Variants in MAP7 observed in about 807,000 individuals in gnomAD.
MAP7 encodes ensconsin.
MAP7 carries 52 observed loss-of-function variants against 94.8 expected under a neutral mutation model. The ratio of observed to expected loss-of-function variants is 0.55; its 90% confidence interval spans 0.44 to 0.69. The LOEUF (loss-of-function observed/expected upper bound fraction) is 0.69, where lower values mean the gene tolerates loss of function less well. Ranked by LOEUF, MAP7 falls within the 30% of genes least tolerant of loss-of-function variation. The pLI is 0.00. For missense variants in MAP7, 940 were observed against 964.6 expected, an observed-to-expected ratio of 0.97 and a Z score of 0.34; for synonymous variants, 350 against 357.0, an observed-to-expected ratio of 0.98 and a Z score of 0.22.
At chr6:136,542,730 A>G (rs7757986) in intron 1 of MAP7, among the ~76,000 whole-genome samples, 17,307 of 151,970 alleles carry the variant, frequency 0.11, 2,480 homozygotes, top group African/African-American at 0.34. Flanking sequence ...AAAAAAAAAA[A>G]GAAATACTGT....
intron 1 of MAP7, among the ~76,000 whole-genome samples, chr6:136,441,423 C>CAGTTCAG (rs1291923319): frequency 2.6e-5 from 4 of 152,178 alleles, no homozygotes; most frequent in African/African-American, 9.7e-5. Context: ...ATTAGAGCTA[C>CAGTTCAG]AGTTCAGCAC....
At chr6:136,377,651 G>T in intron 7 of MAP7, 104 bp downstream of exon 7, 1 of 800,170 alleles carries the variant, frequency 1.2e-6, no homozygotes, top group South Asian at 1.5e-5. Flanking sequence ...TCCACCGGGG[G>T]AAGAGAGAAG....
chr6:136,380,135 T>G (rs1423096951), intron 6 of MAP7, among the ~76,000 whole-genome samples: 1 of 152,170 alleles, frequency 6.6e-6, no homozygotes, highest in Admixed American at 6.5e-5. Flanking sequence ...GCACTTAAAA[T>G]TGAGATATTG....
In MAP7 at chr6:136,530,858, C is replaced by T. The variant is rs530469746; in HGVS notation, c.67+19484G>A. On this transcript the variant is annotated intron_variant, in intron 1 of 17. Coordinates refer to ENST00000354570, the MANE Select transcript of MAP7 (RefSeq NM_003980.6). ...CCCTAGTAGCGGTGATGCCATCAGCCAGAAGTACCAGGTCCCTGTGGTGCC... is the reference window on the plus strand; with the variant it reads ...CCCTAGTAGCGGTGATGCCATCAGCTAGAAGTACCAGGTCCCTGTGGTGCC... Among the ~76,000 whole-genome samples the T allele has an allele frequency of 1.1e-3, 155 of 144,996 alleles. 5 individuals carry two copies. The highest frequency in any genetic ancestry group is 1.7e-3 in the Non-Finnish European group (115 of 67,958).
intron 1 of MAP7, among the ~76,000 whole-genome samples, chr6:136,435,363 A>G (rs905413297): frequency 6.6e-6 from 1 of 152,186 alleles, no homozygotes; most frequent in Non-Finnish European, 1.5e-5. Context: ...CTGCTCCTAG[A>G]TAACCAGTCC....
At chr6:136,456,390 G>T (rs762146201) in intron 1 of MAP7, among the ~76,000 whole-genome samples, 2 of 152,090 alleles carry the variant, frequency 1.3e-5, no homozygotes, top group Non-Finnish European at 2.9e-5. Context: ...GAAAGAAAAA[G>T]GCCAGGCATG....
chr6:136,456,864 A>AGAAGAAGAAGAAGAAGAAGAG (rs1803386747), intron 1 of MAP7, among the ~76,000 whole-genome samples: 1 of 144,380 alleles, frequency 6.9e-6, no homozygotes, highest in East Asian at 2.0e-4. Flanking sequence ...AAGAAGAAGA[A>AGAAGAAGAAGAAGAAGAAGAG]GAAGAAGAAA....
At chr6:136,421,852 T>G in intron 1 of MAP7, 53 bp from the exon 2 acceptor site, 1 of 1,392,542 alleles carries the variant, frequency 7.2e-7, no homozygotes, top group Non-Finnish European at 9.9e-7. Context: ...TAAAATTTCT[T>G]CAGAAACATT....
chr6:136,459,047 A>G (rs1311457100), intron 1 of MAP7, among the ~76,000 whole-genome samples: 1 of 152,118 alleles, frequency 6.6e-6, no homozygotes, highest in Non-Finnish European at 1.5e-5. Context: ...TTACAACTCA[A>G]CAACAATAAA....
chr6:136,350,695 T>A (rs981725760), intron 16 of MAP7, among the ~76,000 whole-genome samples: 1 of 152,018 alleles, frequency 6.6e-6, no homozygotes, highest in Non-Finnish European at 1.5e-5. Context: ...TCTATAAAAA[T>A]ATATATGTTT....
chr6:136,377,618 T>C (rs931602416), intron 7 of MAP7, 137 bp downstream of exon 7: 2 of 636,562 alleles, frequency 3.1e-6, no homozygotes, highest in Non-Finnish European at 5.6e-6. Flanking sequence ...GACAGGGGTA[T>C]GAAACCAACA....
chr6:136,468,798 C>A (rs1807976783), intron 1 of MAP7, among the ~76,000 whole-genome samples: 1 of 152,168 alleles, frequency 6.6e-6, no homozygotes, highest in Admixed American at 6.5e-5. Context: ...GCACTATGTT[C>A]TGCTGCAGCA....
At position 136,498,365 on chromosome 6, in the gene MAP7, A is replaced by G. The variant is rs889303193; in HGVS notation, c.67+51977T>C. Among the ~76,000 whole-genome samples, 4 of 152,098 alleles carry G rather than the reference A, an allele frequency of 2.6e-5. No homozygotes were observed. In the South Asian group the frequency reaches 8.3e-4, roughly 31 times the overall value. On this transcript the variant is annotated intron_variant, in intron 1 of 17. Transcript: ENST00000354570. Reference sequence around the variant, plus strand: ...TAGAGTAGCACAAGTAACTGAGGACACTGGGAACACCAGGACCTGCCCGAT... The same window carrying G: ...TAGAGTAGCACAAGTAACTGAGGACGCTGGGAACACCAGGACCTGCCCGAT...
chr6:136,480,665 A>G (rs543766460), intron 1 of MAP7, among the ~76,000 whole-genome samples: 162 of 150,568 alleles, frequency 1.1e-3, no homozygotes, highest in Middle Eastern at 6.8e-3. Flanking sequence ...AAAAAAAAAA[A>G]AAAAGAAAAG....
intron 1 of MAP7, among the ~76,000 whole-genome samples, chr6:136,424,865 C>A (rs1792661723): frequency 6.6e-6 from 1 of 152,204 alleles, no homozygotes; most frequent in Admixed American, 6.5e-5. Context: ...TTGACATCCA[C>A]AAGGATAATG....
At chr6:136,351,236 TA>T (rs534706295) in intron 16 of MAP7, among the ~76,000 whole-genome samples, 3,350 of 120,108 alleles carry the variant, frequency 0.028, 99 homozygotes, top group African/African-American at 0.091. Flanking sequence ...GTTTTGATGG[TA>T]AAAAAAAAAA....
intron 1 of MAP7, among the ~76,000 whole-genome samples, chr6:136,438,410 A>G (rs1027784158): frequency 6.6e-6 from 1 of 152,196 alleles, no homozygotes; most frequent in African/African-American, 2.4e-5. Context: ...TTCATTCATC[A>G]TGCTCATTCC....
At chr6:136,380,492 G>A (rs964759180) in intron 6 of MAP7, among the ~76,000 whole-genome samples, 5 of 152,164 alleles carry the variant, frequency 3.3e-5, no homozygotes, top group Non-Finnish European at 7.3e-5. Context: ...AATTTATTTC[G>A]AGGTCTACCT....
At chr6:136,347,441 T>C (rs1198107832) in intron 16 of MAP7, among the ~76,000 whole-genome samples, 1 of 152,214 alleles carries the variant, frequency 6.6e-6, no homozygotes, top group African/African-American at 2.4e-5. Context: ...GGTCTCACTC[T>C]GTTGCCCAGG....
Sources: gnomAD v4.1 joint callset for allele counts (sites outside exome capture counted in the v4.1 genomes callset) on GRCh38, gnomAD v4.1.1 for gene constraint, MANE v1.5 for transcripts, NCBI Gene and HGNC (gene_info 2026-07-23, HGNC 2026-07-21) for gene names.